RPS6KA2: variants seen among roughly 807,000 people sequenced by gnomAD.
The protein encoded by RPS6KA2 is ribosomal protein S6 kinase alpha-2.
A neutral mutation model predicts 91.8 loss-of-function variants in RPS6KA2; 42 were observed. That is an observed-to-expected ratio of 0.46 (90% confidence interval 0.36 to 0.59). The LOEUF is 0.59. Among genes scored for constraint, RPS6KA2 ranks in the 20% least tolerant of loss-of-function variants. The probability of loss-of-function intolerance (pLI) is 0.00; values close to 1 mark genes in which losing one functional copy is unlikely to be tolerated. For missense variants in RPS6KA2, 798 were observed against 978.5 expected, an observed-to-expected ratio of 0.82 and a Z score of 2.46; for synonymous variants, 414 against 393.6, an observed-to-expected ratio of 1.05 and a Z score of -0.61.
chr6:166,477,825 T>G (rs7766185), intron 10 of RPS6KA2, among the ~76,000 whole-genome samples: 29,424 of 152,196 alleles, frequency 0.19, 3,253 homozygotes, highest in African/African-American at 0.31. Context: ...GTGGGAGGAC[T>G]GCCTGAGTCC....
intron 2 of RPS6KA2, among the ~76,000 whole-genome samples, chr6:166,698,540 C>A (rs892834075): frequency 3.9e-5 from 6 of 152,140 alleles, no homozygotes; most frequent in African/African-American, 1.4e-4. Context: ...TAACCATCTG[C>A]CCAGTGTGTG....
Position 166,451,166 on chromosome 6 carries a change from T to C in RPS6KA2, c.1143A>G (p.Ser381=). ...GCTGTGAGGGCTCCTGGATCAGGCTTGAGGCCACAAAGCTGAATCCTCTAA... is the reference window on the plus strand; with the variant it reads ...GCTGTGAGGGCTCCTGGATCAGGCTCGAGGCCACAAAGCTGAATCCTCTAA... ...HLFRGFSFVA[S]SLIQEPSQQD... The change falls in exon 13 of 21, where the codon TCA becomes TCG. Residue 381 remains serine, a synonymous_variant. Transcript: ENST00000265678. 3 of 1,614,078 alleles carry C rather than the reference T, an allele frequency of 1.9e-6. No individual in the cohort carries two copies. The highest frequency in any genetic ancestry group is 8.5e-7 in the Non-Finnish European group (1 of 1,179,996).
At chr6:166,550,795 G>A (rs898479833) in intron 1 of RPS6KA2, among the ~76,000 whole-genome samples, 2 of 152,040 alleles carry the variant, frequency 1.3e-5, no homozygotes, top group Non-Finnish European at 1.5e-5. Flanking sequence ...AAGGTCAGGA[G>A]ATCGACACCA....
Position 166,732,892 on chromosome 6 carries a change from AAAGTAAGTCAC to A in RPS6KA2, c.123+125297_123+125307del, listed in dbSNP as rs1159356833. ...TCTGGTTCAAGTTGGTGTTCAAATA[AAAGTAAGTCAC>A]AACAAAACAAAAGACCTGAAGTGAA... On this transcript the variant is annotated intron_variant, in intron 2 of 21. Coordinates refer to the RPS6KA2 transcript ENST00000503859. This position sits in a 1 kb window ranked among gnomAD's most constrained non-coding sequence, Gnocchi z 4.0. Among the ~76,000 whole-genome samples the A allele has an allele frequency of 6.6e-6, 1 of 152,210 alleles. No individual in the cohort carries two copies. Among genetic ancestry groups the A allele is most frequent in the East Asian group, 1.9e-4 (1 of 5,202 alleles).
rs1000750309 is a variant in RPS6KA2 at position 166,666,380 on chromosome 6, T to C, written c.124-127596A>G. 1.3e-5 allele frequency among the ~76,000 whole-genome samples: 2 copies of C among 152,258 alleles called. No individual in the cohort carries two copies. The highest frequency in any genetic ancestry group is 2.4e-5 in the African/African-American group (1 of 41,466). On this transcript the variant is annotated intron_variant, in intron 2 of 21. Transcript: ENST00000503859. This position sits in a 1 kb window ranked among gnomAD's most constrained non-coding sequence, Gnocchi z 4.0. ...TCAGGTACTCAGATCCTGACATTTG[T>C]CAGTTGTGTCAAAATGCTAGAAAGT...
chr6:166,578,452 C>CTTAG (rs1784906973), intron 1 of RPS6KA2, among the ~76,000 whole-genome samples: 1 of 152,224 alleles, frequency 6.6e-6, no homozygotes, highest in Admixed American at 6.5e-5. Flanking sequence ...GGGCAAGCAC[C>CTTAG]TTAGCCCTCC....
chr6:166,860,365 C>T (rs1781017148), intron 1 of RPS6KA2, among the ~76,000 whole-genome samples: 1 of 152,234 alleles, frequency 6.6e-6, no homozygotes, highest in Non-Finnish European at 1.5e-5. Context: ...CATCTGCCCT[C>T]TCCTGGGGCT....
At chr6:166,517,722 G>T (rs557464070) in intron 3 of RPS6KA2, among the ~76,000 whole-genome samples, 1 of 151,608 alleles carries the variant, frequency 6.6e-6, no homozygotes, top group Non-Finnish European at 1.5e-5. Context: ...TGATCCACCC[G>T]CCTCGGCCTC....
chr6:166,586,938 G>T (rs1216432298), intron 1 of RPS6KA2, among the ~76,000 whole-genome samples: 1 of 152,210 alleles, frequency 6.6e-6, no homozygotes, highest in Admixed American at 6.5e-5. Flanking sequence ...GCAGGCAGGT[G>T]TGGTCATGTG....
intron 2 of RPS6KA2, among the ~76,000 whole-genome samples, chr6:166,725,651 G>C (rs887854645): frequency 6.6e-6 from 1 of 152,254 alleles, no homozygotes; most frequent in South Asian, 2.1e-4. Flanking sequence ...GTGAGCCAGT[G>C]GGGGGTGGGG....
intron 11 of RPS6KA2, chr6:166,460,730 C>G (rs906311999): frequency 6.6e-6 from 1 of 152,310 alleles, no homozygotes; most frequent in African/African-American, 2.4e-5. Context: ...TAGGGAGGGT[C>G]CCCACGGTGT....
chr6:166,851,595 G>A (rs542299552), intron 2 of RPS6KA2, among the ~76,000 whole-genome samples: 20 of 152,160 alleles, frequency 1.3e-4, no homozygotes, highest in African/African-American at 1.7e-4. Flanking sequence ...TGAGTGCTCC[G>A]CTCCAGGCTC....
In RPS6KA2 at chr6:166,412,070, A is replaced by C. The variant is rs74444606; in HGVS notation, c.*692T>G. The C allele has an allele frequency of 2.0e-5, 3 of 152,318 alleles. No homozygotes were observed. Among genetic ancestry groups the C allele is most frequent in the Admixed American group, 2.0e-4 (3 of 15,258 alleles). 9.4% of individuals were successfully genotyped at this position (152,318 alleles called of 1,614,324 possible). A position where few individuals can be genotyped will look rare whatever the true frequency, so the allele number is the denominator to read the frequency against. On this transcript the variant is annotated 3_prime_UTR_variant, in exon 21 of 21. Coordinates refer to ENST00000265678, the MANE Select transcript of RPS6KA2 (RefSeq NM_021135.6). The surrounding 1 kb of genome is among the most constrained non-coding windows in gnomAD (Gnocchi z 4.3). ...AGGCACCCCCTTCCATCCTGGTGAC[A>C]CGGAGCTCTCAAGGCAAAGATCCAG...
At chr6:166,413,502 G>A (rs906466240) in intron 20 of RPS6KA2, among the ~76,000 whole-genome samples, 6 of 152,188 alleles carry the variant, frequency 3.9e-5, no homozygotes, top group Admixed American at 2.6e-4. Flanking sequence ...ACTTATGAAG[G>A]GGACTTTTTT....
At chr6:166,436,848 G>A (rs547472124) in intron 14 of RPS6KA2, among the ~76,000 whole-genome samples, 18 of 152,210 alleles carry the variant, frequency 1.2e-4, no homozygotes, top group Non-Finnish European at 2.6e-4. Context: ...GGGAGTCGTG[G>A]CGGGAATAGG....
Position 166,418,112 on chromosome 6 carries a change from G to T in RPS6KA2, c.1938+113C>A. On this transcript the variant is annotated intron_variant, in intron 19 of 20. Coordinates refer to ENST00000265678, the MANE Select transcript of RPS6KA2 (RefSeq NM_021135.6). This position sits in a 1 kb window ranked among gnomAD's most constrained non-coding sequence, Gnocchi z 4.9. ...TTCAAGAAAAAAAAAAAAATATGCT[G>T]AGGATAAAATACCTATACTACTTAC... 1.4e-6 allele frequency: 1 copy of T among 722,622 alleles called. No individual in the cohort carries two copies. Among genetic ancestry groups the T allele is most frequent in the Non-Finnish European group, 2.4e-6 (1 of 425,528 alleles). 44.8% of individuals were successfully genotyped at this position (722,622 alleles called of 1,614,324 possible).
At chr6:166,507,162 C>T (rs1463683919) in intron 5 of RPS6KA2, among the ~76,000 whole-genome samples, 1 of 152,068 alleles carries the variant, frequency 6.6e-6, no homozygotes, top group Non-Finnish European at 1.5e-5. Context: ...TCCCTCTTCC[C>T]AGGATGGAAA....
chr6:166,598,391 A>G (rs533257247), intron 1 of RPS6KA2, among the ~76,000 whole-genome samples: 3 of 152,320 alleles, frequency 2.0e-5, no homozygotes, highest in Non-Finnish European at 4.4e-5. Context: ...AATGGTTTAG[A>G]GAGGCTTATG....
intron 2 of RPS6KA2, among the ~76,000 whole-genome samples, chr6:166,844,603 C>T (rs758128724): frequency 4.6e-5 from 7 of 152,120 alleles, no homozygotes; most frequent in Admixed American, 2.6e-4. Context: ...TAGAAGGGAT[C>T]GGGGTCCTAT....
Sources: allele counts gnomAD v4.1 joint callset (sites outside exome capture counted in the v4.1 genomes callset), GRCh38; gene constraint gnomAD v4.1.1; non-coding constraint Gnocchi (gnomAD v3.1); transcripts MANE v1.5; gene names NCBI Gene and HGNC (gene_info 2026-07-23, HGNC 2026-07-21).